THSD7B: variants seen among roughly 807,000 people sequenced by gnomAD.
The protein encoded by THSD7B is thrombospondin type 1 domain containing 7B, also known as thrombospondin type-1 domain-containing protein 7B.
A neutral mutation model predicts 213.6 loss-of-function variants in THSD7B; 138 were observed. That is an observed-to-expected ratio of 0.65 (90% confidence interval 0.56 to 0.74). The LOEUF is 0.74. Ranked by LOEUF, THSD7B falls within the 30% of genes least tolerant of loss-of-function variation. The pLI, the probability that THSD7B is intolerant of heterozygous loss-of-function variation, is 0.00. For missense variants in THSD7B, 1,931 were observed against 1,991.5 expected, an observed-to-expected ratio of 0.97 and a Z score of 0.58; for synonymous variants, 742 against 687.0, an observed-to-expected ratio of 1.08 and a Z score of -1.25.
chr2:136,812,979 C>T (rs543485012), intron 1 of THSD7B, among the ~76,000 whole-genome samples: 2 of 152,108 alleles, frequency 1.3e-5, no homozygotes, highest in African/African-American at 4.8e-5. Context: ...TACAAATGAG[C>T]AATACCAGTT....
At chr2:137,403,888 C>T (rs1449308381) in intron 12 of THSD7B, among the ~76,000 whole-genome samples, 1 of 152,166 alleles carries the variant, frequency 6.6e-6, no homozygotes, top group East Asian at 1.9e-4. Context: ...GATGCTGCTA[C>T]ATATCTCACC....
At chr2:137,571,567 G>A (rs1681355364) in intron 16 of THSD7B, among the ~76,000 whole-genome samples, 1 of 152,100 alleles carries the variant, frequency 6.6e-6, no homozygotes, top group Non-Finnish European at 1.5e-5. Flanking sequence ...AATTATAATC[G>A]CTCTGCATTC....
chr2:137,122,360 G>C (rs1342536132), intron 5 of THSD7B, among the ~76,000 whole-genome samples: 1 of 116,454 alleles, frequency 8.6e-6, no homozygotes, highest in Non-Finnish European at 1.9e-5. Flanking sequence ...GTGAGACATG[G>C]GGACATAGGG....
intron 12 of THSD7B, among the ~76,000 whole-genome samples, chr2:137,398,667 C>T (rs1686265259): frequency 6.6e-6 from 1 of 152,110 alleles, no homozygotes; most frequent in Non-Finnish European, 1.5e-5. Flanking sequence ...GCAGGCAGGC[C>T]TCCTTGAGCT....
chr2:137,307,659 T>A (rs1433075219), intron 12 of THSD7B, among the ~76,000 whole-genome samples: 2 of 152,230 alleles, frequency 1.3e-5, no homozygotes, highest in Middle Eastern at 3.4e-3. Context: ...ACCAAACATA[T>A]TTTTATGAAA....
intron 2 of THSD7B, among the ~76,000 whole-genome samples, chr2:137,012,981 CTGAAATAG>C (rs1481761205): frequency 1.3e-5 from 2 of 152,162 alleles, no homozygotes; most frequent in Non-Finnish European, 2.9e-5. Context: ...TCCACACCTA[CTGAAATAG>C]TTTCATCTTA....
At chr2:137,049,945 A>G (rs940460821) in intron 2 of THSD7B, among the ~76,000 whole-genome samples, 1 of 152,176 alleles carries the variant, frequency 6.6e-6, no homozygotes, top group Non-Finnish European at 1.5e-5. Flanking sequence ...GAACTGTTCT[A>G]ATAGAAACCA....
Position 137,533,840 on chromosome 2 carries a change from T to A in THSD7B, c.3139-29381T>A, listed in dbSNP as rs78849538. Among the ~76,000 whole-genome samples, 1,271 of 152,042 alleles carry A rather than the reference T, an allele frequency of 8.4e-3. 39 individuals carry two copies. Among genetic ancestry groups the A allele is most frequent in the East Asian group, 0.069 (352 of 5,126 alleles). ...TGAAAATGTTGTTTGCTTGGCTGCT[T>A]GATTGATACCCTCTCTTATTACATA... is the stretch of plus-strand genomic sequence containing the variant. On this transcript the variant is annotated intron_variant, in intron 15 of 27. Transcript: ENST00000409968.
At position 136,961,088 on chromosome 2, in the gene THSD7B, CAAAAAA is replaced by C. The variant is rs57328048; in HGVS notation, c.139+78789_139+78794del. 9.1e-3 allele frequency among the ~76,000 whole-genome samples: 354 copies of C among 39,066 alleles called. 2 individuals carry two copies. The highest frequency in any genetic ancestry group is 0.03 in the African/African-American group (244 of 8,236). The allele number at this position is 39,066 out of a possible 152,430, so 25.6% of individuals were successfully genotyped here. The stretch of plus-strand genomic sequence containing the variant: ...TGGGTGACAGAGCAAGACTCCGTCT[CAAAAAA>C]AAAAAAAAAAAAAAAAAGAGAAAAT... On this transcript the variant is annotated intron_variant, in intron 2 of 27. Transcript: ENST00000409968.
intron 7 of THSD7B, among the ~76,000 whole-genome samples, chr2:137,204,143 G>C (rs965348610): frequency 2.6e-5 from 4 of 152,078 alleles, no homozygotes; most frequent in Non-Finnish European, 5.9e-5. Context: ...AAGATCATCT[G>C]TTACATGGCA....
intron 2 of THSD7B, among the ~76,000 whole-genome samples, chr2:136,903,235 C>T (rs777343346): frequency 3.9e-5 from 6 of 152,076 alleles, no homozygotes; most frequent in African/African-American, 4.8e-5. Context: ...TTAAATGCTC[C>T]GTAGGAGATA....
At chr2:137,042,721 G>A (rs1435925349) in intron 2 of THSD7B, among the ~76,000 whole-genome samples, 1 of 152,156 alleles carries the variant, frequency 6.6e-6, no homozygotes, top group South Asian at 2.1e-4. Flanking sequence ...CATAGTACTC[G>A]CTTGTCCCCA....
intron 21 of THSD7B, among the ~76,000 whole-genome samples, chr2:137,647,446 A>ACCCCCCCCCCCCCCCCCCCCC (rs941828802): frequency 4.7e-5 from 1 of 21,256 alleles, no homozygotes; most frequent in African/African-American, 1.9e-4. Flanking sequence ...TCTCTCCCCA[A>ACCCCCCCCCCCCCCCCCCCCC]CCCCCCCGCC....
chr2:136,983,648 GTCTA>G (rs2104809876), intron 2 of THSD7B, among the ~76,000 whole-genome samples: 1 of 152,124 alleles, frequency 6.6e-6, no homozygotes, highest in South Asian at 2.1e-4. Flanking sequence ...CATTAAAATT[GTCTA>G]AATTCTTAGG....
At chr2:137,285,812 A>T (rs966130778) in intron 12 of THSD7B, among the ~76,000 whole-genome samples, 1 of 152,088 alleles carries the variant, frequency 6.6e-6, no homozygotes, top group East Asian at 1.9e-4. Context: ...ATCATTAAGA[A>T]TTGATTTATG....
At chr2:137,329,783 G>T (rs867124031) in intron 12 of THSD7B, among the ~76,000 whole-genome samples, 52 of 152,194 alleles carry the variant, frequency 3.4e-4, no homozygotes, top group African/African-American at 1.2e-3. Context: ...AGAAACTCAA[G>T]CCTGTTGCAG....
intron 20 of THSD7B, among the ~76,000 whole-genome samples, chr2:137,639,912 G>A (rs187243909): frequency 2.0e-5 from 3 of 152,290 alleles, no homozygotes; most frequent in Admixed American, 1.3e-4. Flanking sequence ...TGATTTTACA[G>A]GCTCATAAGT....
intron 15 of THSD7B, among the ~76,000 whole-genome samples, chr2:137,543,932 A>C (rs1280968176): frequency 2.0e-5 from 3 of 151,806 alleles, no homozygotes; most frequent in Non-Finnish European, 4.4e-5. Flanking sequence ...ATGATATGTC[A>C]CTTCACACAC....
chr2:136,828,900 A>G (rs1449465827), intron 1 of THSD7B, among the ~76,000 whole-genome samples: 2 of 152,146 alleles, frequency 1.3e-5, no homozygotes, highest in East Asian at 3.9e-4. Context: ...GCTAAACTGT[A>G]AGCTTCATGA....
Sources: gnomAD v4.1 joint callset for allele counts (sites outside exome capture counted in the v4.1 genomes callset) on GRCh38, gnomAD v4.1.1 for gene constraint, MANE v1.5 for transcripts, NCBI Gene and HGNC (gene_info 2026-07-23, HGNC 2026-07-21) for gene names.